The following PPFIA1 variants were observed in gnomAD, a reference collection of about 807,000 sequenced individuals.
The protein encoded by PPFIA1 is liprin-alpha-1.
A neutral mutation model predicts 149.9 loss-of-function variants in PPFIA1; 25 were observed. The ratio of observed to expected loss-of-function variants is 0.17; its 90% CI spans 0.12 to 0.23. The LOEUF is 0.23. Among genes scored for constraint, PPFIA1 ranks in the 10% least tolerant of loss-of-function variants. The pLI, the probability that PPFIA1 is intolerant of heterozygous loss-of-function variation, is 1.00. For missense variants in PPFIA1, 1,362 were observed against 1,506.5 expected, an observed-to-expected ratio of 0.90 and a Z score of 1.59; for synonymous variants, 549 against 552.8, an observed-to-expected ratio of 0.99 and a Z score of 0.10.
chr11:70,335,770 C>T (rs1008748180), intron 11 of PPFIA1, 76 bp downstream of exon 11: 26 of 1,543,138 alleles, frequency 1.7e-5, no homozygotes, highest in South Asian at 4.5e-5. Context: ...CCTGAGCAGG[C>T]GTGTGTAACA....
At position 70,339,153 on chromosome 11, in the gene PPFIA1, T is replaced by C; in HGVS notation, c.1572-18T>C. The C allele has an allele frequency of 6.2e-7, 1 of 1,612,214 alleles. No homozygotes were observed. Among genetic ancestry groups the C allele is most frequent in the Non-Finnish European group, 8.5e-7 (1 of 1,179,696 alleles). On this transcript the variant is annotated intron_variant, in intron 13 of 27. Transcript: ENST00000253925. ...TCTTTTCTTCTAATAATGATCATTC[T>C]TATTTTTCATGTTTCAGCCGACCCC...
At chr11:70,320,461 C>A (rs1462764327) in intron 2 of PPFIA1, among the ~76,000 whole-genome samples, 1 of 133,076 alleles carries the variant, frequency 7.5e-6, no homozygotes, top group Non-Finnish European at 1.5e-5. Context: ...TTTTTTGAGA[C>A]GCTCTCGTCA....
rs55897136 is a variant in PPFIA1, at chr11:70,302,769, A to AT, written c.265-21613dup. On this transcript the variant is annotated intron_variant, in intron 2 of 27. Transcript: ENST00000253925. The stretch of plus-strand genomic sequence containing the variant: ...TGTAGCCGTAGATACTCTCAACACC[A>AT]TTTTTTTTTTTTTTTTTTTTAAAGA... 9.1e-3 allele frequency among the ~76,000 whole-genome samples: 1,163 copies of AT among 127,934 alleles called. 17 individuals carry two copies. Among genetic ancestry groups the AT allele is most frequent in the African/African-American group, 0.021 (714 of 34,770 alleles). 83.9% of individuals were successfully genotyped at this position (127,934 alleles called of 152,430 possible).
chr11:70,329,189 G>C (rs1188850560), intron 7 of PPFIA1, among the ~76,000 whole-genome samples: 1 of 152,190 alleles, frequency 6.6e-6, no homozygotes, highest in Admixed American at 6.5e-5. Flanking sequence ...TTTGTAGCGT[G>C]AGGCAGACGT....
intron 21 of PPFIA1, chr11:70,371,846 T>G (rs1379773725): frequency 6.4e-6 from 1 of 157,166 alleles, no homozygotes; most frequent in Non-Finnish European, 1.4e-5. Flanking sequence ...AGAGATAATT[T>G]TAGTGAGCAG....
At chr11:70,332,323 C>T (rs767805677) in intron 9 of PPFIA1, among the ~76,000 whole-genome samples, 2 of 152,120 alleles carry the variant, frequency 1.3e-5, no homozygotes, top group Non-Finnish European at 2.9e-5. Flanking sequence ...TATTTGTCCA[C>T]GGCATGTGTG....
intron 5 of PPFIA1, among the ~76,000 whole-genome samples, 194 bp from the exon 6 acceptor site, chr11:70,326,068 G>A (rs779120924): frequency 2.6e-5 from 4 of 152,004 alleles, no homozygotes; most frequent in East Asian, 3.9e-4. Context: ...CTAAGGACTC[G>A]TCTGGCCAGT....
chr11:70,333,640 CT>C (rs2054803343), intron 10 of PPFIA1, 87 bp downstream of exon 10: 5 of 1,028,170 alleles, frequency 4.9e-6, no homozygotes, highest in South Asian at 2.7e-5. Context: ...CCTCCCACCC[CT>C]GACTGAGATG....
chr11:70,300,337 C>T (rs1029090903), intron 2 of PPFIA1, among the ~76,000 whole-genome samples: 1 of 152,026 alleles, frequency 6.6e-6, no homozygotes, highest in South Asian at 2.1e-4. Flanking sequence ...CTATTTATTC[C>T]TTTTATGTTT....
chr11:70,272,872 T>C (rs750478287), intron 2 of PPFIA1, among the ~76,000 whole-genome samples: 1 of 152,286 alleles, frequency 6.6e-6, no homozygotes, highest in East Asian at 1.9e-4. Context: ...AAAAAAATTA[T>C]TTTGATAGCC....
At chr11:70,342,352 G>A (rs1336451425) in intron 14 of PPFIA1, among the ~76,000 whole-genome samples, 1 of 152,192 alleles carries the variant, frequency 6.6e-6, no homozygotes, top group Non-Finnish European at 1.5e-5. Context: ...CCAGTTGGGA[G>A]TGAGAATGGG....
intron 10 of PPFIA1, among the ~76,000 whole-genome samples, chr11:70,335,244 G>C (rs1330606871): frequency 6.6e-6 from 1 of 152,176 alleles, no homozygotes; most frequent in East Asian, 1.9e-4. Flanking sequence ...CGTGGAGACA[G>C]GCTCATCCTC....
chr11:70,282,621 TG>T (rs2050831988), intron 2 of PPFIA1, among the ~76,000 whole-genome samples: 2 of 127,108 alleles, frequency 1.6e-5, no homozygotes, highest in Admixed American at 2.0e-4. Context: ...CTCCACCCCC[TG>T]GGTTCACACC....
At chr11:70,359,224 G>A (rs1209906116) in intron 19 of PPFIA1, among the ~76,000 whole-genome samples, 1 of 152,204 alleles carries the variant, frequency 6.6e-6, no homozygotes, top group African/African-American at 2.4e-5. Context: ...ATGTTGACCA[G>A]GCTGGTCTTG....
At chr11:70,299,319 A>G (rs1422027804) in intron 2 of PPFIA1, among the ~76,000 whole-genome samples, 1 of 152,162 alleles carries the variant, frequency 6.6e-6, no homozygotes, top group East Asian at 1.9e-4. Context: ...TTTTTCTTAC[A>G]GGGGTCAGAC....
chr11:70,336,505 CA>C lies in PPFIA1; in HGVS notation c.1428+828del, dbSNP rs10640266. On this transcript the variant is annotated intron_variant, in intron 11 of 27. Transcript: ENST00000253925. ...TGTGTGACAGAGCAAGATCCTGTTT[CA>C]AAAAAAAAAAAAAAAAGTTAATTTC... Among the ~76,000 whole-genome samples the C allele has an allele frequency of 5.8e-3, 717 of 123,102 alleles. 1 individual carries two copies. Among genetic ancestry groups the C allele is most frequent in the Non-Finnish European group, 8.6e-3 (475 of 55,482 alleles). The allele number at this position is 123,102 out of a possible 152,430, so 80.8% of individuals were successfully genotyped here. A position where few individuals can be genotyped will look rare whatever the true frequency, so the allele number is the denominator to read the frequency against.
At chr11:70,370,846 T>C (rs2057197294) in intron 21 of PPFIA1, among the ~76,000 whole-genome samples, 1 of 152,084 alleles carries the variant, frequency 6.6e-6, no homozygotes, top group Non-Finnish European at 1.5e-5. Context: ...AAATATTTTC[T>C]GGTGGGGCAG....
In PPFIA1 at chr11:70,368,948, CAGTCT is replaced by C. The variant is rs569375694; in HGVS notation, c.2866-3266_2866-3262del. ...TTCCTTATCTTAGGAGAAACACAGT[CAGTCT>C]TTTTTTTTTTTTTTTTTAAAGAGAC... On this transcript the variant is annotated intron_variant, in intron 21 of 27. Coordinates refer to ENST00000253925, the MANE Select transcript of PPFIA1 (RefSeq NM_003626.5). 8.2e-3 allele frequency among the ~76,000 whole-genome samples: 1,149 copies of C among 139,934 alleles called. 8 individuals carry two copies. The highest frequency in any genetic ancestry group is 0.012 in the Non-Finnish European group (783 of 66,318). The allele number at this position is 139,934 out of a possible 152,430, so 91.8% of individuals were successfully genotyped here.
intron 16 of PPFIA1, among the ~76,000 whole-genome samples, chr11:70,350,790 A>G (rs2056010406): frequency 6.6e-6 from 1 of 152,216 alleles, no homozygotes; most frequent in African/African-American, 2.4e-5. Flanking sequence ...AATAATTTAT[A>G]GTGTTTCTCT....
Sources: allele counts gnomAD v4.1 joint callset (sites outside exome capture counted in the v4.1 genomes callset), GRCh38; gene constraint gnomAD v4.1.1; transcripts MANE v1.5; gene names NCBI Gene and HGNC (gene_info 2026-07-23, HGNC 2026-07-21).